Variants in FLCN observed in about 807,000 individuals in gnomAD.
The protein encoded by FLCN is BHD skin lesion fibrofolliculoma protein.
Under a neutral mutation model 62.5 loss-of-function variants are expected in FLCN, and 22 were observed. That is an observed-to-expected ratio of 0.35 (90% confidence interval 0.25 to 0.50). The LOEUF (loss-of-function observed/expected upper bound fraction) is 0.50. Ranked by LOEUF, FLCN falls within the 20% of genes least tolerant of loss-of-function variation. The pLI is 0.97. For synonymous variants in FLCN, 319 were observed against 310.0 expected (o/e 1.03, Z -0.30); for missense variants, 657 against 778.0 (o/e 0.84, Z 1.85).
intron 6 of FLCN, chr17:17,223,167 C>T (rs1439808294): frequency 4.1e-6 from 1 of 243,468 alleles, no homozygotes. Flanking sequence ...GATCTCGGCT[C>T]ACTACAACCT....
chr17:17,215,370 C>T, intron 11 of FLCN, 54 bp from the exon 12 acceptor site: 1 of 1,611,598 alleles, frequency 6.2e-7, no homozygotes. Context: ...CCTCACCTCC[C>T]CTGCGCTAGC....
intron 13 of FLCN, among the ~76,000 whole-genome samples, chr17:17,214,487 C>T (rs1289376492): frequency 1.3e-5 from 2 of 151,914 alleles, no homozygotes; most frequent in African/African-American, 4.8e-5. Flanking sequence ...CCAGCTACTC[C>T]AGAGGCTGAG....
intron 13 of FLCN, among the ~76,000 whole-genome samples, chr17:17,214,343 C>T (rs1052574639): frequency 6.6e-6 from 1 of 151,596 alleles, no homozygotes; most frequent in South Asian, 2.1e-4. Flanking sequence ...CGCCTGTAAT[C>T]CCAGCACTTT....
intron 8 of FLCN, chr17:17,220,055 T>G (rs968375404): frequency 1.3e-5 from 2 of 152,108 alleles, no homozygotes; most frequent in African/African-American, 4.8e-5. Context: ...ATTCCCATCT[T>G]TTTTATTTGA....
intron 5 of FLCN, 73 bp from the exon 6 acceptor site, chr17:17,224,216 C>CT: frequency 1.5e-6 from 2 of 1,377,234 alleles, no homozygotes; most frequent in Non-Finnish European, 2.0e-6. Flanking sequence ...CTTCTTCAGA[C>CT]TTTTCAGAGT....
chr17:17,226,785 C>A (rs781727011), intron 4 of FLCN, among the ~76,000 whole-genome samples: 1 of 152,174 alleles, frequency 6.6e-6, no homozygotes, highest in African/African-American at 2.4e-5. Flanking sequence ...CAGCCACAGG[C>A]GAGAGGCCCA....
In FLCN at chr17:17,230,135, G is replaced by T. The variant is rs183083329; in HGVS notation, c.-25+1659C>A. Among the ~76,000 whole-genome samples, 359 of 152,336 alleles carry T rather than the reference G, an allele frequency of 2.4e-3. 1 individual carries two copies. Among genetic ancestry groups the T allele is most frequent in the Middle Eastern group, 0.017 (5 of 294 alleles). ...ACAGCCACAGCCAACAGCCTGACAT[G>T]TGACACAGCCTGACACATGCAGCCA... On this transcript the variant is annotated intron_variant, in intron 3 of 13. Transcript: ENST00000285071.
At chr17:17,236,777 C>T (rs1762463774) in intron 1 of FLCN, 135 bp downstream of exon 1, 1 of 152,236 alleles carries the variant, frequency 6.6e-6, no homozygotes, top group African/African-American at 2.4e-5. Context: ...GGGCGTGCCC[C>T]CAACCTATCT....
chr17:17,214,779 C>G (rs1194386524), intron 13 of FLCN, among the ~76,000 whole-genome samples: 1 of 152,116 alleles, frequency 6.6e-6, no homozygotes, highest in Non-Finnish European at 1.5e-5. Flanking sequence ...CCCCCACCTC[C>G]CCATGCAGGA....
At chr17:17,219,283 T>G in intron 8 of FLCN, 74 bp from the exon 9 acceptor site, 1 of 1,291,540 alleles carries the variant, frequency 7.7e-7, no homozygotes, top group Admixed American at 1.9e-5. Context: ...AGATACTTCA[T>G]GGGCTGAGCC....
intron 4 of FLCN, 147 bp from the exon 5 acceptor site, chr17:17,226,469 A>G: frequency 1.0e-6 from 1 of 1,000,094 alleles, no homozygotes; most frequent in Admixed American, 2.0e-5. Flanking sequence ...CTGAAGATTT[A>G]AATGTTTCCT....
At chr17:17,217,411 ATC>A (rs2046959375) in intron 9 of FLCN, 4 of 588,456 alleles carry the variant, frequency 6.8e-6, no homozygotes, top group Non-Finnish European at 1.2e-5. Flanking sequence ...TTGCTCCAAG[ATC>A]TTTCTCCCAG....
rs1056992450 is a variant in FLCN, at chr17:17,213,113, A to T, written c.*542T>A. On this transcript the variant is annotated 3_prime_UTR_variant, in exon 14 of 14. Coordinates refer to ENST00000285071, the MANE Select transcript of FLCN (RefSeq NM_144997.7). Reference sequence around the variant, plus strand: ...CAGAGGACCAAAAGATGAGGAAGAGATCCACTTCACTCCCCAAAGTCTCTT... The same window carrying T: ...CAGAGGACCAAAAGATGAGGAAGAGTTCCACTTCACTCCCCAAAGTCTCTT... The T allele has an allele frequency of 7.3e-6, 2 of 272,820 alleles. No individual in the cohort carries two copies. Among genetic ancestry groups the T allele is most frequent in the Non-Finnish European group, 1.4e-5 (2 of 141,000 alleles). The allele number at this position is 272,820 out of a possible 1,614,324, so 16.9% of individuals were successfully genotyped here. A position where few individuals can be genotyped will look rare whatever the true frequency, so the allele number is the denominator to read the frequency against.
rs1048214486 is a variant in FLCN, at chr17:17,213,662, C to T, written c.1733G>A (p.Arg578Gln). Residue 578 changes from arginine to glutamine, a missense_variant, in exon 14 of 14, where the codon CGG becomes CAG. Coordinates refer to ENST00000285071, the MANE Select transcript of FLCN (RefSeq NM_144997.7). ...TVRSPTASES[R>Q]N ...GCAGGTGTGTGTGACGGGTCAGTTC[C>T]GAGACTCCGAGGCTGTGGGGCTGCG... 4.3e-6 allele frequency: 7 copies of T among 1,614,144 alleles called. No homozygotes were observed. Among genetic ancestry groups the T allele is most frequent in the Middle Eastern group, 1.6e-4 (1 of 6,062 alleles).
At chr17:17,231,174 T>C (rs2047410392) in intron 3 of FLCN, among the ~76,000 whole-genome samples, 1 of 152,202 alleles carries the variant, frequency 6.6e-6, no homozygotes, top group African/African-American at 2.4e-5. Flanking sequence ...CAGTCCAGCC[T>C]GGGCGACAGA....
At chr17:17,214,957 A>G (rs1311765498) in intron 13 of FLCN, 28 bp downstream of exon 13, 1 of 1,608,966 alleles carries the variant, frequency 6.2e-7, no homozygotes, top group Admixed American at 1.7e-5. Context: ...GTCGCAAGCA[A>G]AGGGGCCTCA....
intron 3 of FLCN, among the ~76,000 whole-genome samples, chr17:17,229,924 G>A (rs1049595215): frequency 6.6e-6 from 1 of 152,204 alleles, no homozygotes; most frequent in Admixed American, 6.5e-5. Flanking sequence ...GGCAGCTGCA[G>A]GCACAAAGTC....
intron 13 of FLCN, 123 bp from the exon 14 acceptor site, chr17:17,213,979 T>C: frequency 9.6e-7 from 1 of 1,046,936 alleles, no homozygotes; most frequent in East Asian, 2.4e-5. Flanking sequence ...AGAGCTGGAA[T>C]CCACACCCTT....
In FLCN at chr17:17,213,999, G is replaced by A. The variant is rs2046829339; in HGVS notation, c.1539-143C>T. ...TGGAATCCACACCCTTGGGGCAGCAGGCTTGGCCCCTGAACTGCTGAAAGG... is the reference window on the plus strand; with the variant it reads ...TGGAATCCACACCCTTGGGGCAGCAAGCTTGGCCCCTGAACTGCTGAAAGG... On this transcript the variant is annotated intron_variant, in intron 13 of 13. Coordinates refer to ENST00000285071, the MANE Select transcript of FLCN (RefSeq NM_144997.7). The A allele has an allele frequency of 4.4e-6, 4 of 917,070 alleles. No homozygotes were observed. The Admixed American group carries it at 7.8e-5, about 18-fold the overall frequency. The allele number at this position is 917,070 out of a possible 1,614,324, so 56.8% of individuals were successfully genotyped here.
Sources: allele counts gnomAD v4.1 joint callset (sites outside exome capture counted in the v4.1 genomes callset), GRCh38; gene constraint gnomAD v4.1.1; transcripts MANE v1.5; gene names NCBI Gene and HGNC (gene_info 2026-07-23, HGNC 2026-07-21).